The following RASA3 variants were observed in gnomAD, a reference collection of about 807,000 sequenced individuals.
The protein encoded by RASA3 is ras GTPase-activating protein 3.
Under a neutral mutation model 110.0 loss-of-function variants are expected in RASA3, and 73 were observed. The ratio of observed to expected loss-of-function variants is 0.66; its 90% CI spans 0.55 to 0.81. The LOEUF (loss-of-function observed/expected upper bound fraction) is 0.81, where lower values mean the gene tolerates loss of function less well. Among genes scored for constraint, RASA3 ranks in the 30% least tolerant of loss-of-function variants. The pLI, the probability that RASA3 is intolerant of heterozygous loss-of-function variation, is 0.00. For synonymous variants in RASA3, 500 were observed against 451.4 expected (o/e 1.11, Z -1.37); for missense variants, 976 against 1,113.2 (o/e 0.88, Z 1.75).
chr13:113,996,563 G>A lies in RASA3; in HGVS notation c.2109C>T (p.Ser703=), dbSNP rs779975290. The A allele has an allele frequency of 2.4e-5, 39 of 1,612,978 alleles. No individual in the cohort carries two copies. The highest frequency in any genetic ancestry group is 1.7e-4 in the Middle Eastern group (1 of 5,844). Residue 703 remains serine (S), a synonymous_variant, in exon 21 of 24, where the codon TCC becomes TCT. Transcript: ENST00000334062. The part of the protein sequence containing the change: ...SGHWLCCRAP[S]DSAPGCSPCT... ...AGGGCGAGCAGCCCGGAGCCGAGTC[G>A]GATGGCGCCCTACAGCACAGCCAGT...
chr13:114,020,798 G>A (rs2053910270), intron 9 of RASA3, among the ~76,000 whole-genome samples: 1 of 152,346 alleles, frequency 6.6e-6, no homozygotes, highest in Non-Finnish European at 1.5e-5. Context: ...GTGCAGAGGG[G>A]AGTAGAGAAC....
chr13:113,995,740 ACGGGGGCCCGGC>A (rs2053224330), intron 21 of RASA3, among the ~76,000 whole-genome samples: 2 of 30,980 alleles, frequency 6.5e-5, no homozygotes, highest in Admixed American at 3.2e-4. Flanking sequence ...GGCCCGGCTG[ACGGGGGCCCGGC>A]TGACGGGGGC....
In RASA3 at chr13:114,011,297, T is replaced by C; in HGVS notation, c.1513-49A>G. ...GTCTATGTCAGCATCACAGAAATGC[T>C]GTGACTGTCCCAGATCGAGGGGACG... is the stretch of plus-strand genomic sequence containing the variant. On this transcript the variant is annotated intron_variant, in intron 15 of 23. Transcript: ENST00000334062. The surrounding 1 kb of genome is among the most constrained non-coding windows in gnomAD (Gnocchi z 4.8). The C allele has an allele frequency of 2.0e-6, 3 of 1,495,446 alleles. No homozygotes were observed. Among genetic ancestry groups the C allele is most frequent in the Non-Finnish European group, 2.8e-6 (3 of 1,078,526 alleles). The allele number at this position is 1,495,446 out of a possible 1,614,324, so 92.6% of individuals were successfully genotyped here.
Position 114,037,123 on chromosome 13 carries a change from A to G in RASA3, c.372+3877T>C, listed in dbSNP as rs1422580151. Among the ~76,000 whole-genome samples, 7 of 152,170 alleles carry G rather than the reference A, an allele frequency of 4.6e-5. No individual in the cohort carries two copies. The East Asian group carries it at 1.3e-3, about 29-fold the overall frequency. ...ACGCTGGGCTTGGCCACGGGTACGC[A>G]GCCTCGGGCGTTAATTATGAGATTC... On this transcript the variant is annotated intron_variant, in intron 4 of 23. Transcript: ENST00000334062.
In RASA3 at chr13:114,120,866, C is replaced by T. The variant is rs147009532; in HGVS notation, c.55+11569G>A. ...GGCTCAAGCACCAATGTTTGTCCAC[C>T]GTTTTCTTCTCACACAGATCTAAGA... On this transcript the variant is annotated intron_variant, in intron 1 of 23. Transcript: ENST00000334062. Among the ~76,000 whole-genome samples the T allele has an allele frequency of 2.7e-3, 415 of 152,336 alleles. 1 individual carries two copies. The highest frequency in any genetic ancestry group is 9.7e-3 in the African/African-American group (404 of 41,582).
At chr13:114,124,027 G>T (rs1278105851) in intron 1 of RASA3, among the ~76,000 whole-genome samples, 7 of 152,166 alleles carry the variant, frequency 4.6e-5, no homozygotes, top group Non-Finnish European at 1.0e-4. Flanking sequence ...GGTCCCCAGT[G>T]CGGCTCCTGT....
At chr13:114,102,129 T>A (rs1464289362) in intron 1 of RASA3, among the ~76,000 whole-genome samples, 1 of 152,100 alleles carries the variant, frequency 6.6e-6, no homozygotes, top group Non-Finnish European at 1.5e-5. Context: ...TGGTTGTGAG[T>A]CACAGGACTG....
Position 114,024,353 on chromosome 13 carries a change from C to A in RASA3, c.606G>T (p.Val202=), listed in dbSNP as rs749694162. ...PQFDEVFYFE[V]TRPCSYSKKS... ...TCTTGCTGTAGCTACAGGGCCGGGTCACCTGGAGTCAGACGAGAGAGAAAG... is the reference window on the plus strand; with the variant it reads ...TCTTGCTGTAGCTACAGGGCCGGGTAACCTGGAGTCAGACGAGAGAGAAAG... Residue 202 remains valine (V), a splice_region_variant and synonymous_variant, in exon 8 of 24, where the codon GTG becomes GTT. Transcript: ENST00000334062. 1.2e-6 allele frequency: 2 copies of A among 1,613,650 alleles called. No homozygotes were observed. The highest frequency in any genetic ancestry group is 1.7e-6 in the Non-Finnish European group (2 of 1,179,778).
chr13:114,054,150 A>T (rs1396784620), intron 2 of RASA3, among the ~76,000 whole-genome samples: 1 of 152,236 alleles, frequency 6.6e-6, no homozygotes, highest in African/African-American at 2.4e-5. Flanking sequence ...AAATTAAAAA[A>T]ATAAAAAGTG....
intron 1 of RASA3, among the ~76,000 whole-genome samples, chr13:114,108,190 C>T (rs1261115598): frequency 2.6e-5 from 4 of 151,938 alleles, no homozygotes; most frequent in East Asian, 1.9e-4. Flanking sequence ...TCCGTCACCC[C>T]GCAGCTGTCA....
In RASA3 at chr13:114,089,122, CCTT is replaced by C. The variant is rs2079857597; in HGVS notation, c.56-15288_56-15286del. On this transcript the variant is annotated intron_variant, in intron 1 of 23. Transcript: ENST00000334062. The stretch of plus-strand genomic sequence containing the variant: ...GGCTCTGTCCCCTAAGCCTTCTGCT[CCTT>C]CGCTCCTTCCTGCTGCACTTTCTGC... Among the ~76,000 whole-genome samples the C allele has an allele frequency of 2.6e-5, 4 of 152,014 alleles. No individual in the cohort carries two copies. In the South Asian group the frequency reaches 8.3e-4, roughly 32 times the overall value.
At chr13:114,130,129 C>T (rs1235841603) in intron 1 of RASA3, among the ~76,000 whole-genome samples, 2 of 152,208 alleles carry the variant, frequency 1.3e-5, no homozygotes, top group East Asian at 1.9e-4. Context: ...GAGACTAACC[C>T]CAAACCAGCG....
intron 1 of RASA3, among the ~76,000 whole-genome samples, chr13:114,101,677 G>T (rs545000402): frequency 6.6e-6 from 1 of 152,218 alleles, no homozygotes; most frequent in Non-Finnish European, 1.5e-5. Context: ...AACCCGAACA[G>T]CCCCGGAGTT....
chr13:114,013,286 G>A (rs1466273987), intron 14 of RASA3, 38 bp from the exon 15 acceptor site: 2 of 1,525,500 alleles, frequency 1.3e-6, no homozygotes, highest in Non-Finnish European at 1.8e-6. Context: ...TTTTCCTCGG[G>A]CACAATGGCC....
At chr13:114,062,693 G>A (rs1197274192) in intron 2 of RASA3, among the ~76,000 whole-genome samples, 1 of 151,906 alleles carries the variant, frequency 6.6e-6, no homozygotes, top group Non-Finnish European at 1.5e-5. Context: ...ACTCGGACAC[G>A]CGTGCTCACA....
At chr13:114,002,988 TG>T (rs2053438838) in intron 18 of RASA3, among the ~76,000 whole-genome samples, 1 of 152,180 alleles carries the variant, frequency 6.6e-6, no homozygotes, top group South Asian at 2.1e-4. Flanking sequence ...GGCAGAGGTG[TG>T]GGAGCATCTC....
rs1470676674 is a variant in RASA3, at chr13:114,017,316, G to A, written c.1127C>T (p.Ala376Val). 5 of 1,613,872 alleles carry A rather than the reference G, an allele frequency of 3.1e-6. No homozygotes were observed. The highest frequency in any genetic ancestry group is 4.2e-6 in the Non-Finnish European group (5 of 1,180,034). ...CATGGTCTCGTCGATGCACTTGGACGCCAGTGAGTTTCCTCGGAAGATGGT... is the reference window on the plus strand; with the variant it reads ...CATGGTCTCGTCGATGCACTTGGACACCAGTGAGTTTCCTCGGAAGATGGT... ...PNTIFRGNSL[A>V]SKCIDETMKL... The change falls in exon 12 of 24, where the codon GCG becomes GTG. Residue 376 changes from alanine to valine, a missense_variant. Ala to Val is a moderately conservative substitution (Grantham distance 64). Coordinates refer to ENST00000334062, the MANE Select transcript of RASA3 (RefSeq NM_007368.4).
chr13:114,043,484 G>C (rs936373928), intron 3 of RASA3, among the ~76,000 whole-genome samples: 1 of 152,084 alleles, frequency 6.6e-6, no homozygotes, highest in African/African-American at 2.4e-5. Context: ...AGCCAGGGCC[G>C]GCCAGTTCCA....
chr13:113,994,922 T>C (rs1184221558), intron 21 of RASA3, among the ~76,000 whole-genome samples: 1 of 152,168 alleles, frequency 6.6e-6, no homozygotes, highest in Admixed American at 6.6e-5. Context: ...TGCAGTGAGC[T>C]GAGATTGCAC....
Sources: allele counts gnomAD v4.1 joint callset (sites outside exome capture counted in the v4.1 genomes callset), GRCh38; gene constraint gnomAD v4.1.1; non-coding constraint Gnocchi (gnomAD v3.1); transcripts MANE v1.5; gene names NCBI Gene and HGNC (gene_info 2026-07-23, HGNC 2026-07-21).